LRRK1: variants seen among roughly 807,000 people sequenced by gnomAD.
LRRK1 encodes leucine-rich repeat serine/threonine-protein kinase 1.
A neutral mutation model predicts 209.1 loss-of-function variants in LRRK1; 113 were observed. The ratio of observed to expected loss-of-function variants is 0.54; its 90% CI spans 0.46 to 0.63. The LOEUF (loss-of-function observed/expected upper bound fraction) is 0.63. Ranked by LOEUF, LRRK1 falls within the 30% of genes least tolerant of loss-of-function variation. The pLI, the probability that LRRK1 is intolerant of heterozygous loss-of-function variation, is 0.00. For missense variants in LRRK1, 2,284 were observed against 2,632.2 expected (o/e 0.87, Z 2.89); for synonymous variants, 1,144 against 1,099.7 (o/e 1.04, Z -0.80).
At chr15:100,951,702 A>G (rs1335643111) in intron 2 of LRRK1, among the ~76,000 whole-genome samples, 2 of 152,210 alleles carry the variant, frequency 1.3e-5, no homozygotes, top group African/African-American at 2.4e-5. Context: ...CTGTAATCCC[A>G]GCACTTTGGG....
chr15:101,029,351 C>G, intron 20 of LRRK1, 119 bp downstream of exon 20: 2 of 1,061,858 alleles, frequency 1.9e-6, no homozygotes, highest in Non-Finnish European at 2.7e-6. Context: ...CCACTGCTGC[C>G]CCCTACGGAC....
intron 20 of LRRK1, among the ~76,000 whole-genome samples, chr15:101,032,812 G>T (rs2034340311): frequency 1.3e-5 from 2 of 152,128 alleles, no homozygotes; most frequent in South Asian, 2.1e-4. Flanking sequence ...AGTGATGTGG[G>T]TTTATTTCAG....
At chr15:101,021,271 C>G in intron 13 of LRRK1, 89 bp downstream of exon 13, 1 of 1,444,924 alleles carries the variant, frequency 6.9e-7, no homozygotes, top group East Asian at 2.3e-5. Context: ...CACAGAAAGC[C>G]AGGCAGAAAG....
intron 30 of LRRK1, among the ~76,000 whole-genome samples, chr15:101,062,047 T>C (rs1168958690): frequency 6.6e-6 from 1 of 152,332 alleles, no homozygotes; most frequent in Non-Finnish European, 1.5e-5. Flanking sequence ...TTAGCCGAAG[T>C]AGGTGCAGCC....
intron 10 of LRRK1, among the ~76,000 whole-genome samples, chr15:101,012,650 CACCCTGCACAGGCT>C (rs1336418015): frequency 1.9e-4 from 1 of 5,400 alleles, no homozygotes; most frequent in Non-Finnish European, 5.6e-3. Flanking sequence ...GTGCCCAGGC[CACCCTGCACAGGCT>C]TCAGCCCCCG....
chr15:101,053,677 G>A lies in LRRK1; in HGVS notation c.4054+257G>A, dbSNP rs557439904. Among the ~76,000 whole-genome samples the A allele has an allele frequency of 1.9e-3, 288 of 152,344 alleles. 1 individual carries two copies. Among genetic ancestry groups the A allele is most frequent in the African/African-American group, 6.4e-3 (267 of 41,582 alleles). On this transcript the variant is annotated intron_variant, in intron 26 of 33. Coordinates refer to ENST00000388948, the MANE Select transcript of LRRK1 (RefSeq NM_024652.6). Reference sequence around the variant, plus strand: ...AGGCTCTGCCGCGGTCCGGAAAGCCGCTGAGTTTATTTGCCTGTAAAAGGA... The same window carrying A: ...AGGCTCTGCCGCGGTCCGGAAAGCCACTGAGTTTATTTGCCTGTAAAAGGA...
Position 100,924,712 on chromosome 15 carries a change from C to A in LRRK1, c.80C>A (p.Ala27Asp). ...PEESAVCPER[A>D]METLNGAGDT... The stretch of plus-strand genomic sequence containing the variant: ...GAGTCAGCTGTGTGTCCAGAACGTG[C>A]CATGGAGACGCTTAACGGTAAGGAC... The change falls in exon 2 of 34, where the codon GCC becomes GAC. Residue 27 changes from alanine (A) to aspartate (D), a missense_variant. By Grantham distance (126) the Ala-to-Asp change is moderately radical (BLOSUM62 -2). Transcript: ENST00000388948. 1 of 1,613,962 alleles carries A rather than the reference C, an allele frequency of 6.2e-7. No homozygotes were observed. Among genetic ancestry groups the A allele is most frequent in the East Asian group, 2.2e-5 (1 of 44,882 alleles).
intron 4 of LRRK1, chr15:100,983,901 C>G: frequency 1.4e-6 from 1 of 739,942 alleles, no homozygotes. Flanking sequence ...GGGAAATTCT[C>G]AAACACCATA....
At chr15:101,049,552 G>A (rs1455235974) in intron 22 of LRRK1, 92 bp from the exon 23 acceptor site, 104 of 1,460,328 alleles carry the variant, frequency 7.1e-5, no homozygotes, top group Non-Finnish European at 9.4e-5. Flanking sequence ...CAGGTCCCCG[G>A]GGGTTGGTTC....
At chr15:101,056,637 G>A (rs932130215) in intron 27 of LRRK1, among the ~76,000 whole-genome samples, 1 of 152,208 alleles carries the variant, frequency 6.6e-6, no homozygotes, top group African/African-American at 2.4e-5. Context: ...ATGGATGGAT[G>A]GAAAGAAGGA....
chr15:100,977,177 C>G (rs1355102090), intron 3 of LRRK1, among the ~76,000 whole-genome samples: 1 of 92,156 alleles, frequency 1.1e-5, no homozygotes, highest in Admixed American at 1.3e-4. Flanking sequence ...GAAACACAAA[C>G]TGGCACAGAG....
At chr15:100,922,826 T>A (rs1275768948) in intron 1 of LRRK1, among the ~76,000 whole-genome samples, 1 of 128,968 alleles carries the variant, frequency 7.8e-6, no homozygotes, top group African/African-American at 3.9e-5. Flanking sequence ...GTGTCGACCA[T>A]CCCTTTTGCC....
chr15:101,054,585 T>C (rs1229097817), intron 26 of LRRK1, among the ~76,000 whole-genome samples: 1 of 152,160 alleles, frequency 6.6e-6, no homozygotes, highest in Non-Finnish European at 1.5e-5. Flanking sequence ...GGCGGGCAGG[T>C]CGCTTAAAGC....
At chr15:100,925,241 C>T (rs1475662666) in intron 2 of LRRK1, among the ~76,000 whole-genome samples, 2 of 152,148 alleles carry the variant, frequency 1.3e-5, no homozygotes, top group East Asian at 1.9e-4. Context: ...TTCTCTTCAC[C>T]GTCCATCAGT....
intron 15 of LRRK1, among the ~76,000 whole-genome samples, chr15:101,023,288 C>G (rs192798049): frequency 1.4e-4 from 21 of 152,264 alleles, no homozygotes; most frequent in Middle Eastern, 3.4e-3. Flanking sequence ...CGAGATCATG[C>G]CACTGCACTC....
rs1259770325 is a variant in LRRK1, at chr15:101,027,857, C to A, written c.2686+60C>A. 1 of 1,448,878 alleles carries A rather than the reference C, an allele frequency of 6.9e-7. No homozygotes were observed. The highest frequency in any genetic ancestry group is 9.3e-7 in the Non-Finnish European group (1 of 1,075,878). 89.8% of individuals were successfully genotyped at this position (1,448,878 alleles called of 1,614,324 possible). A position where few individuals can be genotyped will look rare whatever the true frequency, so the allele number is the denominator to read the frequency against. On this transcript the variant is annotated intron_variant, in intron 19 of 33. Coordinates refer to ENST00000388948, the MANE Select transcript of LRRK1 (RefSeq NM_024652.6). The surrounding 1 kb of genome is among the most constrained non-coding windows in gnomAD (Gnocchi z 5.1). ...TGAGAAATGGAACTGTCTGTACTTGCTAACTTCAGCTTGGCCTCAGTAATG... is the reference window on the plus strand; with the variant it reads ...TGAGAAATGGAACTGTCTGTACTTGATAACTTCAGCTTGGCCTCAGTAATG...
In LRRK1 at chr15:100,919,405, G is replaced by C. The variant is rs1431338324; in HGVS notation, c.-169G>C. ...CCCGGCCCCGCCAGTGTGTCCGCCC[G>C]GCCCCGCGTCCCGGAGCGCCCGCAC... On this transcript the variant is annotated 5_prime_UTR_variant, in exon 1 of 34. Coordinates refer to ENST00000388948, the MANE Select transcript of LRRK1 (RefSeq NM_024652.6). This position sits in a 1 kb window ranked among gnomAD's most constrained non-coding sequence, Gnocchi z 5.8. 3 of 149,570 alleles carry C rather than the reference G, an allele frequency of 2.0e-5. No homozygotes were observed. 9.3% of individuals were successfully genotyped at this position (149,570 alleles called of 1,614,324 possible). A position where few individuals can be genotyped will look rare whatever the true frequency, so the allele number is the denominator to read the frequency against.
At chr15:101,064,217 A>G (rs2036384293) in intron 31 of LRRK1, among the ~76,000 whole-genome samples, 1 of 152,178 alleles carries the variant, frequency 6.6e-6, no homozygotes, top group Non-Finnish European at 1.5e-5. Flanking sequence ...ATGGATTTCG[A>G]TACGCTTTCT....
At chr15:101,047,915 G>A (rs1391784033) in intron 21 of LRRK1, among the ~76,000 whole-genome samples, 2 of 152,118 alleles carry the variant, frequency 1.3e-5, no homozygotes, top group Non-Finnish European at 2.9e-5. Flanking sequence ...CAAAAGATTG[G>A]CACCAACTTA....
Sources: gnomAD v4.1 joint callset for allele counts (sites outside exome capture counted in the v4.1 genomes callset) on GRCh38, gnomAD v4.1.1 for gene constraint, Gnocchi (gnomAD v3.1) non-coding constraint, MANE v1.5 for transcripts, NCBI Gene and HGNC (gene_info 2026-07-23, HGNC 2026-07-21) for gene names.